The following INTS10 variants were observed in gnomAD, a reference collection of about 807,000 sequenced individuals.
The protein encoded by INTS10 is integrator complex subunit 10.
A neutral mutation model predicts 94.4 loss-of-function variants in INTS10; 44 were observed. The ratio of observed to expected loss-of-function variants is 0.47; its 90% CI spans 0.37 to 0.60. The LOEUF (loss-of-function observed/expected upper bound fraction) is 0.60. INTS10 is among the 20% of genes least tolerant of loss of function. INTS10 has a pLI of 0.00. For synonymous variants in INTS10, 341 were observed against 320.7 expected, an observed-to-expected ratio of 1.06 and a Z score of -0.68; for missense variants, 797 against 868.7, an observed-to-expected ratio of 0.92 and a Z score of 1.04.
In INTS10 at chr8:19,841,671, G is replaced by T. The variant is rs576972995; in HGVS notation, c.1640-1177G>T. Among the ~76,000 whole-genome samples, 9 of 152,204 alleles carry T rather than the reference G, an allele frequency of 5.9e-5. No individual in the cohort carries two copies. In the South Asian group the frequency reaches 6.2e-4, roughly 11 times the overall value. On this transcript the variant is annotated intron_variant, in intron 13 of 16. Transcript: ENST00000397977. Reference sequence around the variant, plus strand: ...AGGATGTGAAGGAACACAGTGCCACGTGCTTCTGGAAGGTGTATAAAGTCA... The same window carrying T: ...AGGATGTGAAGGAACACAGTGCCACTTGCTTCTGGAAGGTGTATAAAGTCA...
At position 19,818,296 on chromosome 8, in the gene INTS10, C is replaced by G. The variant is rs1332248607; in HGVS notation, c.151C>G (p.Arg51Gly). Reference sequence around the variant, plus strand: ...GCAGTATGAGATGTACACCATCGAGCGGAATGCAGAGCGGACCGCCACCGC... The same window carrying G: ...GCAGTATGAGATGTACACCATCGAGGGGAATGCAGAGCGGACCGCCACCGC... ...NIQYEMYTIE[R>G]NAERTATAGR... Residue 51 changes from arginine (R) to glycine (G), a missense_variant, in exon 2 of 17, where the codon CGG becomes GGG. This residue lies in a region of INTS10 where 734 missense variants were observed against 787.8 expected (regional missense o/e 0.93). Coordinates refer to ENST00000397977, the MANE Select transcript of INTS10 (RefSeq NM_018142.4). The G allele has an allele frequency of 6.2e-7, 1 of 1,614,124 alleles. No homozygotes were observed. The highest frequency in any genetic ancestry group is 1.6e-4 in the Middle Eastern group (1 of 6,062).
chr8:19,832,780 C>T (rs140195866), intron 11 of INTS10, among the ~76,000 whole-genome samples: 3 of 152,312 alleles, frequency 2.0e-5, no homozygotes, highest in East Asian at 1.9e-4. Flanking sequence ...CGATAATTCA[C>T]GAATGAGGTG....
At chr8:19,830,050 A>G (rs185553130) in intron 9 of INTS10, among the ~76,000 whole-genome samples, 1 of 152,356 alleles carries the variant, frequency 6.6e-6, no homozygotes, top group African/African-American at 2.4e-5. Flanking sequence ...AAAAAAAAGT[A>G]AACTATAAAC....
chr8:19,828,948 T>C (rs1425625513), intron 9 of INTS10, among the ~76,000 whole-genome samples: 2 of 151,438 alleles, frequency 1.3e-5, no homozygotes, highest in African/African-American at 4.9e-5. Context: ...AACAGTGGGG[T>C]AGGGAAAAGT....
intron 9 of INTS10, among the ~76,000 whole-genome samples, chr8:19,828,283 A>G (rs759536788): frequency 2.6e-5 from 4 of 152,128 alleles, no homozygotes; most frequent in Non-Finnish European, 5.9e-5. Context: ...CCTTTTTGTA[A>G]TTAGGATATC....
chr8:19,849,359 G>A lies in INTS10; in HGVS notation c.1977-2290G>A, dbSNP rs1303262438. On this transcript the variant is annotated intron_variant, in intron 16 of 16. Transcript: ENST00000397977. This position sits in a 1 kb window ranked among gnomAD's most constrained non-coding sequence, Gnocchi z 4.6. ...TCATGCTTTCTTTCTTTTTTAATTT[G>A]TTCCGCATTTTGGCAAACCATCTGG... 6 of 360,362 alleles carry A rather than the reference G, an allele frequency of 1.7e-5. No homozygotes were observed. The highest frequency in any genetic ancestry group is 3.0e-5 in the Non-Finnish European group (6 of 202,696). The allele number at this position is 360,362 out of a possible 1,614,324, so 22.3% of individuals were successfully genotyped here.
rs2068527329 is a variant in INTS10 at position 19,845,787 on chromosome 8, A to T, written c.1966A>T (p.Met656Leu). The T allele has an allele frequency of 6.2e-7, 1 of 1,611,852 alleles. No individual in the cohort carries two copies. The highest frequency in any genetic ancestry group is 2.2e-5 in the East Asian group (1 of 44,858). Reference sequence around the variant, plus strand: ...TCTGGAATTACTACCCAATCAAGGAATGCTGATCAAGTAAGCATGTTCTCT... The same window carrying T: ...TCTGGAATTACTACCCAATCAAGGATTGCTGATCAAGTAAGCATGTTCTCT... Reference protein sequence around the residue: ...IHLELLPNQGMLIKHHTVTRG... With the variant: ...IHLELLPNQGLLIKHHTVTRG... Residue 656 changes from methionine to leucine, a missense_variant, in exon 16 of 17, where the codon ATG becomes TTG. Physicochemically the swap from Met to Leu is conservative, Grantham distance 15. Coordinates refer to ENST00000397977, the MANE Select transcript of INTS10 (RefSeq NM_018142.4).
chr8:19,823,415 C>G lies in INTS10; in HGVS notation c.638C>G (p.Ser213Cys). 6.2e-7 allele frequency: 1 copy of G among 1,604,532 alleles called. No homozygotes were observed. The highest frequency in any genetic ancestry group is 8.5e-7 in the Non-Finnish European group (1 of 1,171,738). ...AEFYINYVTR[S>C]TQIENQHQGA... The stretch of plus-strand genomic sequence containing the variant: ...TTTTATATCAATTATGTCACTAGGT[C>G]TACTCAAATAGAAAATCAGCATCAA... Residue 213 changes from serine (S) to cysteine (C), a missense_variant, in exon 6 of 17, where the codon TCT (serine) becomes TGT (cysteine). By Grantham distance (112) the Ser-to-Cys change is moderately radical. Transcript: ENST00000397977.
chr8:19,827,154 G>A (rs940487442), intron 9 of INTS10, among the ~76,000 whole-genome samples: 4 of 152,176 alleles, frequency 2.6e-5, no homozygotes, highest in South Asian at 2.1e-4. Context: ...CAAGAAGCCC[G>A]AGAATGTGAA....
At chr8:19,847,554 C>T (rs893745471) in intron 16 of INTS10, among the ~76,000 whole-genome samples, 9 of 152,174 alleles carry the variant, frequency 5.9e-5, no homozygotes, top group East Asian at 1.9e-4. Context: ...AATATAGAGA[C>T]AGCCATAGTG....
In INTS10 at chr8:19,849,347, C is replaced by CT. The variant is rs1254016789; in HGVS notation, c.1977-2296dup. 1.0e-5 allele frequency: 4 copies of CT among 392,026 alleles called. No homozygotes were observed. The highest frequency in any genetic ancestry group is 1.8e-5 in the Non-Finnish European group (4 of 225,144). 24.3% of individuals were successfully genotyped at this position (392,026 alleles called of 1,614,324 possible). A position where few individuals can be genotyped will look rare whatever the true frequency, so the allele number is the denominator to read the frequency against. The stretch of plus-strand genomic sequence containing the variant: ...CAGTGCTCTTTTTCATGCTTTCTTT[C>CT]TTTTTTAATTTGTTCCGCATTTTGG... On this transcript the variant is annotated intron_variant, in intron 16 of 16. Coordinates refer to ENST00000397977, the MANE Select transcript of INTS10 (RefSeq NM_018142.4). This position sits in a 1 kb window ranked among gnomAD's most constrained non-coding sequence, Gnocchi z 4.6.
Position 19,817,435 on chromosome 8 carries a change from C to G in INTS10, c.-103C>G, listed in dbSNP as rs2065993113. The G allele has an allele frequency of 7.1e-7, 1 of 1,414,088 alleles. No homozygotes were observed. Among genetic ancestry groups the G allele is most frequent in the East Asian group, 2.4e-5 (1 of 41,214 alleles). 87.6% of individuals were successfully genotyped at this position (1,414,088 alleles called of 1,614,324 possible). On this transcript the variant is annotated 5_prime_UTR_variant, in exon 1 of 17. Coordinates refer to ENST00000397977, the MANE Select transcript of INTS10 (RefSeq NM_018142.4). ...GCCTCCAGACATGCGCAGTAGCCTCCCCCGCGGTGGCGGCGGCGGCGGCGG... is the reference window on the plus strand; with the variant it reads ...GCCTCCAGACATGCGCAGTAGCCTCGCCCGCGGTGGCGGCGGCGGCGGCGG...
chr8:19,835,548 T>C (rs1048744805), intron 12 of INTS10, among the ~76,000 whole-genome samples: 2 of 152,224 alleles, frequency 1.3e-5, no homozygotes, highest in African/African-American at 4.8e-5. Context: ...CAAAGACGAC[T>C]CAAGGAAAGA....
In INTS10 at chr8:19,842,876, C is replaced by T. The variant is rs754133506; in HGVS notation, c.1668C>T (p.Thr556=). The change falls in exon 14 of 17, where the codon ACC becomes ACT. Residue 556 remains threonine (T), a synonymous_variant. Transcript: ENST00000397977. ...CGGATCTGAAGCTCCTGCCTTGTAC[C>T]AGCAAGGCTATCATGCCATACTGCC... The part of the protein sequence containing the change: ...KGSDLKLLPC[T]SKAIMPYCLH... The T allele has an allele frequency of 6.2e-7, 1 of 1,612,602 alleles. No individual in the cohort carries two copies. The highest frequency in any genetic ancestry group is 8.5e-7 in the Non-Finnish European group (1 of 1,178,816).
chr8:19,833,080 G>A (rs764968868), intron 11 of INTS10, 89 bp from the exon 12 acceptor site: 12 of 1,159,708 alleles, frequency 1.0e-5, no homozygotes, highest in South Asian at 3.9e-5. Flanking sequence ...TTGCTTGCTC[G>A]TTGCTTCGTG....
At chr8:19,838,136 G>A (rs1273252947) in intron 13 of INTS10, among the ~76,000 whole-genome samples, 5 of 152,082 alleles carry the variant, frequency 3.3e-5, no homozygotes, top group South Asian at 2.1e-4. Flanking sequence ...ATGGCAGATC[G>A]TTTGAGCCTA....
chr8:19,823,575 G>A, intron 6 of INTS10, 134 bp downstream of exon 6: 1 of 687,714 alleles, frequency 1.5e-6, no homozygotes, highest in Non-Finnish European at 2.4e-6. Flanking sequence ...ATGGTATCTA[G>A]AAAAAAAATA....
rs1338447204 is a variant in INTS10 at position 19,846,443 on chromosome 8, AAC to A, written c.1976+648_1976+649del. ...AGTGAAACTCCATCTCAAAAAAAAA[AAC>A]AAACAAACAAAACAGCTGTGCTTAA... On this transcript the variant is annotated intron_variant, in intron 16 of 16. Transcript: ENST00000397977. The surrounding 1 kb of genome is among the most constrained non-coding windows in gnomAD (Gnocchi z 4.2). Among the ~76,000 whole-genome samples the A allele has an allele frequency of 1.3e-5, 2 of 150,584 alleles. No homozygotes were observed. Among genetic ancestry groups the A allele is most frequent in the African/African-American group, 2.5e-5 (1 of 40,294 alleles).
In INTS10 at chr8:19,846,812, T is replaced by C. The variant is rs1286497524; in HGVS notation, c.1976+1015T>C. On this transcript the variant is annotated intron_variant, in intron 16 of 16. Coordinates refer to ENST00000397977, the MANE Select transcript of INTS10 (RefSeq NM_018142.4). The surrounding 1 kb of genome is among the most constrained non-coding windows in gnomAD (Gnocchi z 4.2). ...AGTTTGGGTAATATATCCTCTCTGC[T>C]GTAAATGCCACGTGTAGTTTTATTT... Among the ~76,000 whole-genome samples the C allele has an allele frequency of 6.6e-6, 1 of 152,270 alleles. No homozygotes were observed. Among genetic ancestry groups the C allele is most frequent in the Non-Finnish European group, 1.5e-5 (1 of 68,048 alleles).
Sources: gnomAD v4.1 joint callset for allele counts (sites outside exome capture counted in the v4.1 genomes callset) on GRCh38, gnomAD v4.1.1 for gene constraint, gnomAD v4.1.1 regional missense constraint, Gnocchi (gnomAD v3.1) non-coding constraint, MANE v1.5 for transcripts, NCBI Gene and HGNC (gene_info 2026-07-23, HGNC 2026-07-21) for gene names.